The following TRIP4 variants were observed in gnomAD, a reference collection of about 807,000 sequenced individuals.
TRIP4 encodes the protein thyroid hormone receptor interactor 4, also known as activating signal cointegrator 1.
Under a neutral mutation model 81.8 loss-of-function variants are expected in TRIP4, and 54 were observed. That is an observed-to-expected ratio of 0.66 (90% CI 0.53 to 0.83). The LOEUF is 0.83. Ranked by LOEUF, TRIP4 falls within the 40% of genes least tolerant of loss-of-function variation. The probability of loss-of-function intolerance (pLI) is 0.00; values close to 1 mark genes in which losing one functional copy is unlikely to be tolerated. For missense variants in TRIP4, 662 were observed against 683.6 expected, an observed-to-expected ratio of 0.97 and a Z score of 0.35; for synonymous variants, 270 against 242.8, an observed-to-expected ratio of 1.11 and a Z score of -1.04.
At chr15:64,437,771 G>C (rs753995992) in intron 11 of TRIP4, among the ~76,000 whole-genome samples, 1 of 152,118 alleles carries the variant, frequency 6.6e-6, no homozygotes, top group Admixed American at 6.5e-5. Flanking sequence ...TGGGATTACC[G>C]GCCTGAGCCA....
chr15:64,418,422 T>G, intron 8 of TRIP4, 119 bp from the exon 9 acceptor site: 1 of 1,177,196 alleles, frequency 8.5e-7, no homozygotes, highest in Middle Eastern at 3.0e-4. Flanking sequence ...TGGGATATAT[T>G]TTTCTAAGAA....
At chr15:64,427,738 A>C (rs916532567) in intron 11 of TRIP4, among the ~76,000 whole-genome samples, 6 of 152,108 alleles carry the variant, frequency 3.9e-5, no homozygotes, top group Non-Finnish European at 8.8e-5. Context: ...TTTCCTTGTG[A>C]GTTACCTCCT....
At chr15:64,451,756 T>C (rs1240588504) in intron 12 of TRIP4, among the ~76,000 whole-genome samples, 1 of 150,596 alleles carries the variant, frequency 6.6e-6, no homozygotes, top group African/African-American at 2.4e-5. Context: ...TGGGTTCAAG[T>C]GATTCTCCTG....
At chr15:64,401,515 G>T (rs2140286324) in intron 5 of TRIP4, among the ~76,000 whole-genome samples, 1 of 152,190 alleles carries the variant, frequency 6.6e-6, no homozygotes, top group South Asian at 2.1e-4. Context: ...CAAGTGATCT[G>T]CCTGCCTCGG....
At chr15:64,453,239 G>A (rs1188327332) in intron 12 of TRIP4, among the ~76,000 whole-genome samples, 1 of 152,162 alleles carries the variant, frequency 6.6e-6, no homozygotes, top group Non-Finnish European at 1.5e-5. Context: ...GTCCTAGATG[G>A]AATTCTAAAT....
In TRIP4 at chr15:64,387,879, G is replaced by A; in HGVS notation, c.16G>A (p.Ala6Thr). 6.5e-7 allele frequency: 1 copy of A among 1,547,844 alleles called. No homozygotes were observed. ...GCTGGGGAAGATGGCGGTGGCTGGG[G>A]CGGTGTCCGGGGAGCCGCTGGTGCA... MAVAG[A>T]VSGEPLVHWC... Residue 6 changes from alanine to threonine, a missense_variant, in exon 1 of 13, where the codon GCG becomes ACG. Physicochemically the swap from Ala to Thr is moderately conservative, Grantham distance 58. Transcript: ENST00000261884.
intron 11 of TRIP4, among the ~76,000 whole-genome samples, chr15:64,431,732 A>G (rs1306382866): frequency 6.6e-6 from 1 of 150,810 alleles, no homozygotes; most frequent in Non-Finnish European, 1.5e-5. Context: ...CAAAACTGGA[A>G]CATTGACTAG....
intron 11 of TRIP4, among the ~76,000 whole-genome samples, chr15:64,426,221 T>C (rs781108520): frequency 6.6e-6 from 1 of 152,140 alleles, no homozygotes; most frequent in Non-Finnish European, 1.5e-5. Flanking sequence ...AATACTAGGA[T>C]CTGTTATTGC....
intron 8 of TRIP4, 136 bp downstream of exon 8, chr15:64,414,347 C>A: frequency 1.7e-6 from 2 of 1,158,596 alleles, no homozygotes; most frequent in Non-Finnish European, 2.4e-6. Flanking sequence ...TCTCTCAACA[C>A]ACCTGCCAAC....
At chr15:64,445,217 A>AC in intron 12 of TRIP4, 109 bp downstream of exon 12, 6 of 574,554 alleles carry the variant, frequency 1.0e-5, no homozygotes, top group Non-Finnish European at 1.9e-5. Flanking sequence ...CAATCAGTTG[A>AC]GGTAACCCAC....
chr15:64,442,822 T>C (rs931116755), intron 11 of TRIP4, among the ~76,000 whole-genome samples: 7 of 151,510 alleles, frequency 4.6e-5, no homozygotes, highest in South Asian at 2.1e-4. Context: ...ACCCTGTTTC[T>C]ACTAAAAATA....
chr15:64,428,107 A>T (rs543526302), intron 11 of TRIP4, among the ~76,000 whole-genome samples: 1 of 152,328 alleles, frequency 6.6e-6, no homozygotes, highest in East Asian at 1.9e-4. Flanking sequence ...GTTCTAAAAG[A>T]GAACCCAGGA....
chr15:64,422,685 T>A (rs1215234076), intron 9 of TRIP4, among the ~76,000 whole-genome samples: 1 of 152,222 alleles, frequency 6.6e-6, no homozygotes, highest in African/African-American at 2.4e-5. Flanking sequence ...GTGTTTACAT[T>A]TCTCTCATCC....
intron 2 of TRIP4, among the ~76,000 whole-genome samples, chr15:64,395,038 G>A (rs1438692513): frequency 6.6e-6 from 1 of 152,048 alleles, no homozygotes; most frequent in Non-Finnish European, 1.5e-5. Context: ...TAGAGATAGG[G>A]TCTCACTCTG....
chr15:64,443,769 C>T (rs1466128486), intron 11 of TRIP4, among the ~76,000 whole-genome samples: 1 of 151,984 alleles, frequency 6.6e-6, no homozygotes, highest in Non-Finnish European at 1.5e-5. Context: ...CTCCTATAAT[C>T]CCAGAACTTT....
intron 11 of TRIP4, among the ~76,000 whole-genome samples, chr15:64,426,397 T>C (rs934063329): frequency 6.6e-6 from 1 of 152,136 alleles, no homozygotes; most frequent in African/African-American, 2.4e-5. Flanking sequence ...TTAATTTTTA[T>C]CACTAAAGAT....
chr15:64,446,231 G>A (rs781729975), intron 12 of TRIP4, among the ~76,000 whole-genome samples: 10 of 151,562 alleles, frequency 6.6e-5, no homozygotes, highest in Non-Finnish European at 1.3e-4. Context: ...CCGAGATCAC[G>A]CCACTGCACT....
At chr15:64,388,758 T>A (rs1160029770) in intron 1 of TRIP4, among the ~76,000 whole-genome samples, 2 of 152,220 alleles carry the variant, frequency 1.3e-5, no homozygotes, top group East Asian at 3.8e-4. Flanking sequence ...CTATATTCTG[T>A]TGTCGTTTAC....
chr15:64,406,537 C>A, intron 6 of TRIP4, 78 bp downstream of exon 6: 1 of 1,521,934 alleles, frequency 6.6e-7, no homozygotes, highest in South Asian at 1.3e-5. Flanking sequence ...GTACTTGATA[C>A]CTTCTCAAAG....
Sources: gnomAD v4.1 joint callset for allele counts (sites outside exome capture counted in the v4.1 genomes callset) on GRCh38, gnomAD v4.1.1 for gene constraint, MANE v1.5 for transcripts, NCBI Gene and HGNC (gene_info 2026-07-23, HGNC 2026-07-21) for gene names.